The following ZNF420 variants were observed in gnomAD, a reference collection of about 807,000 sequenced individuals.
The protein encoded by ZNF420 is ATM and p53-associated KZNF protein.
ZNF420 carries 31 observed loss-of-function variants against 44.7 expected under a neutral mutation model. The ratio of observed to expected loss-of-function variants is 0.69; its 90% CI spans 0.52 to 0.94. ZNF420 has a LOEUF of 0.94. Among genes scored for constraint, ZNF420 ranks in the 40% least tolerant of loss-of-function variants. The probability of loss-of-function intolerance (pLI) is 0.00; values close to 1 mark genes in which losing one functional copy is unlikely to be tolerated. For missense variants in ZNF420, 681 were observed against 827.9 expected (o/e 0.82, Z 2.18); for synonymous variants, 245 against 267.4 (o/e 0.92, Z 0.82).
rs757977353 is a variant in ZNF420 at position 37,127,709 on chromosome 19, C to A, written c.718C>A (p.Arg240=). Reference sequence around the variant, plus strand: ...CTTTATTCGTAGCTCACAACTTACCCGACATCAAAAAGTTCATACTGGTGA... The same window carrying A: ...CTTTATTCGTAGCTCACAACTTACCAGACATCAAAAAGTTCATACTGGTGA... The part of the protein sequence containing the change: ...KAFIRSSQLT[R]HQKVHTGEKP... The change falls in exon 5 of 5, where the codon CGA becomes AGA. Residue 240 remains arginine, a synonymous_variant. Transcript: ENST00000337995. The A allele has an allele frequency of 1.9e-6, 3 of 1,613,702 alleles. No individual in the cohort carries two copies. Among genetic ancestry groups the A allele is most frequent in the African/African-American group, 1.3e-5 (1 of 74,860 alleles).
intron 4 of ZNF420, among the ~76,000 whole-genome samples, chr19:37,099,526 GT>G (rs1471472322): frequency 6.6e-6 from 1 of 152,016 alleles, no homozygotes; most frequent in African/African-American, 2.4e-5. Context: ...CAGATTATTT[GT>G]TTTTTTGCTG....
chr19:37,053,319 G>C (rs746708783), intron 1 of ZNF420, among the ~76,000 whole-genome samples: 3 of 152,056 alleles, frequency 2.0e-5, no homozygotes, highest in Admixed American at 6.6e-5. Flanking sequence ...TCCTCCTTTA[G>C]CTCAGAGTAG....
intron 3 of ZNF420, 58 bp downstream of exon 3, chr19:37,089,185 T>C: frequency 6.9e-7 from 1 of 1,447,368 alleles, no homozygotes; most frequent in Non-Finnish European, 9.7e-7. Context: ...CATGTGTGTG[T>C]TTGTATTCCT....
chr19:37,093,817 G>C (rs1969290894), intron 4 of ZNF420, among the ~76,000 whole-genome samples: 2 of 152,216 alleles, frequency 1.3e-5, no homozygotes, highest in South Asian at 4.1e-4. Flanking sequence ...GGATGGGGAA[G>C]AGGTAGAACA....
At chr19:37,102,736 C>T (rs531037061) in intron 4 of ZNF420, among the ~76,000 whole-genome samples, 4 of 152,268 alleles carry the variant, frequency 2.6e-5, no homozygotes, top group South Asian at 4.1e-4. Flanking sequence ...GCAGAATTCT[C>T]GTGAGGGGAT....
intron 1 of ZNF420, among the ~76,000 whole-genome samples, chr19:37,057,264 C>T (rs1373074547): frequency 1.3e-5 from 2 of 152,200 alleles, no homozygotes; most frequent in East Asian, 1.9e-4. Flanking sequence ...CCTGCCCGGA[C>T]GGGGATCGGG....
intron 1 of ZNF420, among the ~76,000 whole-genome samples, chr19:37,019,556 C>CT (rs1391940214): frequency 6.6e-6 from 1 of 151,242 alleles, no homozygotes; most frequent in Non-Finnish European, 1.5e-5. Flanking sequence ...GGGCGGATCA[C>CT]TTGAAGTCAG....
At chr19:37,100,433 C>T (rs1969703292) in intron 4 of ZNF420, among the ~76,000 whole-genome samples, 1 of 152,108 alleles carries the variant, frequency 6.6e-6, no homozygotes. Context: ...GCTTTGGCGG[C>T]CTGGCGCAGT....
intron 1 of ZNF420, among the ~76,000 whole-genome samples, chr19:37,066,788 TAGGTGTTACCCC>T (rs1210073023): frequency 2.0e-5 from 3 of 152,196 alleles, no homozygotes; most frequent in Admixed American, 2.0e-4. Context: ...ATTCCATTCC[TAGGTGTTACCCC>T]AGAGAAATGA....
chr19:37,102,128 G>C (rs970659903), intron 4 of ZNF420, among the ~76,000 whole-genome samples: 34 of 152,110 alleles, frequency 2.2e-4, no homozygotes, highest in African/African-American at 7.7e-4. Context: ...CTGAGGATGT[G>C]CTATGGGATG....
intron 4 of ZNF420, among the ~76,000 whole-genome samples, chr19:37,111,055 C>G (rs769652149): frequency 2.6e-5 from 4 of 152,138 alleles, no homozygotes; most frequent in Non-Finnish European, 4.4e-5. Context: ...CTTGCCTGAC[C>G]AATTAATGTA....
intron 1 of ZNF420, among the ~76,000 whole-genome samples, chr19:37,055,381 C>T (rs1030268352): frequency 3.3e-5 from 5 of 152,118 alleles, no homozygotes; most frequent in African/African-American, 4.8e-5. Context: ...AAACCCCAGC[C>T]GGCGACCTGA....
chr19:37,054,202 T>A (rs916469927), intron 1 of ZNF420, among the ~76,000 whole-genome samples: 4 of 152,216 alleles, frequency 2.6e-5, no homozygotes, highest in Admixed American at 6.5e-5. Flanking sequence ...GCTAAGGCCG[T>A]TGGAAAAGCT....
rs568933396 is a variant in ZNF420 at position 37,126,430 on chromosome 19, G to A, written c.137-698G>A. Among the ~76,000 whole-genome samples, 6 of 152,212 alleles carry A rather than the reference G, an allele frequency of 3.9e-5. No individual in the cohort carries two copies. In the East Asian group the frequency reaches 1.2e-3, roughly 29 times the overall value. On this transcript the variant is annotated intron_variant, in intron 4 of 4. Coordinates refer to ENST00000337995, the MANE Select transcript of ZNF420 (RefSeq NM_144689.5). ...GAAGGCTCAACAGATACATAAGCAA[G>A]GAGAAGACCATGGAAGGGGAAATAA...
At chr19:37,020,026 G>A (rs2074635967) in intron 1 of ZNF420, among the ~76,000 whole-genome samples, 1 of 151,920 alleles carries the variant, frequency 6.6e-6, no homozygotes, top group Non-Finnish European at 1.5e-5. Flanking sequence ...GAACATCCTG[G>A]CTAACCCGGT....
intron 4 of ZNF420, among the ~76,000 whole-genome samples, chr19:37,113,241 G>A (rs1052754872): frequency 6.6e-6 from 1 of 152,004 alleles, no homozygotes; most frequent in African/African-American, 2.4e-5. Flanking sequence ...ATCTGTTCTT[G>A]TAGTAGTTTG....
chr19:37,115,126 T>C (rs4806412), intron 4 of ZNF420: 104,425 of 174,260 alleles, frequency 0.6, 34,172 homozygotes, highest in African/African-American at 0.76. Flanking sequence ...AATCTCTCGT[T>C]GACTTGTCCT....
At chr19:37,028,510 G>C (rs1403469533) in intron 1 of ZNF420, among the ~76,000 whole-genome samples, 1 of 151,964 alleles carries the variant, frequency 6.6e-6, no homozygotes, top group Non-Finnish European at 1.5e-5. Flanking sequence ...GATGTTGAGA[G>C]TCTACACTGA....
At chr19:37,034,941 A>G (rs1005708922) in intron 1 of ZNF420, among the ~76,000 whole-genome samples, 1 of 152,242 alleles carries the variant, frequency 6.6e-6, no homozygotes, top group East Asian at 1.9e-4. Context: ...CAAAAGGGAC[A>G]GTTTCACTTT....
Sources: gnomAD v4.1 joint callset for allele counts (sites outside exome capture counted in the v4.1 genomes callset) on GRCh38, gnomAD v4.1.1 for gene constraint, MANE v1.5 for transcripts, NCBI Gene and HGNC (gene_info 2026-07-23, HGNC 2026-07-21) for gene names.